The following STIL variants were observed in gnomAD, a reference collection of about 807,000 sequenced individuals.
The protein encoded by STIL is STIL centriolar assembly protein.
STIL carries 55 observed loss-of-function variants against 110.1 expected under a neutral mutation model. The observed-to-expected ratio is 0.50, with a 90% CI of 0.40 to 0.63. The LOEUF (loss-of-function observed/expected upper bound fraction) is 0.63. Among genes scored for constraint, STIL ranks in the 20% least tolerant of loss-of-function variants. The pLI is 0.00. For missense variants in STIL, 1,358 were observed against 1,530.0 expected (o/e 0.89, Z 1.87); for synonymous variants, 481 against 530.0 (o/e 0.91, Z 1.27).
chr1:47,295,353 G>A (rs1331567919), intron 7 of STIL, among the ~76,000 whole-genome samples: 1 of 152,052 alleles, frequency 6.6e-6, no homozygotes, highest in Non-Finnish European at 1.5e-5. Context: ...GCTGAGGCGG[G>A]TAAATCACTT....
At chr1:47,294,809 T>C (rs151255895) in intron 7 of STIL, among the ~76,000 whole-genome samples, 2 of 152,296 alleles carry the variant, frequency 1.3e-5, no homozygotes, top group East Asian at 3.9e-4. Flanking sequence ...TTTTAAATGG[T>C]ATTATTATGA....
rs138061273 is a variant in STIL, at chr1:47,262,561, A to C, written c.2829+342T>G. 1.3e-5 allele frequency among the ~76,000 whole-genome samples: 2 copies of C among 152,326 alleles called. 1 individual carries two copies. Among genetic ancestry groups the C allele is most frequent in the East Asian group, 3.9e-4 (2 of 5,192 alleles). On this transcript the variant is annotated intron_variant, in intron 15 of 16. Transcript: ENST00000371877. ...ACATTGGCTTACCTGAACTAAAATC[A>C]GTAAATGTTATCATAAATATCCCAC...
At chr1:47,259,132 G>A (rs1456145136) in intron 16 of STIL, among the ~76,000 whole-genome samples, 6 of 150,538 alleles carry the variant, frequency 4.0e-5, no homozygotes, top group African/African-American at 1.2e-4. Flanking sequence ...GACTACAGGC[G>A]CCCACCACCA....
intron 13 of STIL, among the ~76,000 whole-genome samples, 197 bp downstream of exon 13, chr1:47,271,879 C>CT (rs1330876590): frequency 6.6e-6 from 1 of 151,768 alleles, no homozygotes; most frequent in Admixed American, 6.6e-5. Context: ...AAATCAAACA[C>CT]TTTATCATGT....
intron 10 of STIL, among the ~76,000 whole-genome samples, chr1:47,284,889 C>CAA (rs796580180): frequency 9.5e-5 from 13 of 137,180 alleles, no homozygotes; most frequent in African/African-American, 3.4e-4. Flanking sequence ...GACCCTATCT[C>CAA]AAAAAAAAAA....
chr1:47,274,631 T>TC (rs1221136247), intron 12 of STIL, among the ~76,000 whole-genome samples: 2 of 149,018 alleles, frequency 1.3e-5, no homozygotes, highest in Non-Finnish European at 3.0e-5. Flanking sequence ...TCTCAGAACT[T>TC]TTAGGGATCA....
intron 3 of STIL, among the ~76,000 whole-genome samples, chr1:47,303,573 C>A (rs1645868769): frequency 6.6e-6 from 1 of 152,074 alleles, no homozygotes; most frequent in Non-Finnish European, 1.5e-5. Context: ...TCAAAAAAAA[C>A]AACCAAACTT....
chr1:47,269,805 T>C lies in STIL; in HGVS notation c.2445A>G (p.Gln815=), dbSNP rs1345841846. ...CCTCACTGGAAATTTTGGTATCATC[T>C]TGCTTCATTTGAGAGTCAGGCTCTT... The part of the protein sequence containing the change: ...EDQEPDSQMK[Q]DDTKISSEDM... Residue 815 remains glutamine, a synonymous_variant, in exon 14 of 17, where the codon CAA becomes CAG. Transcript: ENST00000371877. 1.2e-6 allele frequency: 2 copies of C among 1,614,216 alleles called. No individual in the cohort carries two copies. Among genetic ancestry groups the C allele is most frequent in the Middle Eastern group, 1.6e-4 (1 of 6,062 alleles).
At chr1:47,263,860 C>A (rs1644558640) in intron 14 of STIL, among the ~76,000 whole-genome samples, 1 of 145,396 alleles carries the variant, frequency 6.9e-6, no homozygotes, top group Non-Finnish European at 1.5e-5. Flanking sequence ...TCAAGCGATT[C>A]TCCTGCCTCA....
rs767397182 is a variant in STIL, at chr1:47,281,100, G to A, written c.1358C>T (p.Pro453Leu). 3.1e-6 allele frequency: 5 copies of A among 1,613,956 alleles called. No individual in the cohort carries two copies. In the Admixed American group the frequency reaches 5.0e-5, roughly 16 times the overall value. Residue 453 changes from proline to leucine, a missense_variant, in exon 12 of 17, where the codon CCT becomes CTT. Physicochemically the swap from Pro to Leu is moderately conservative, Grantham distance 98. Coordinates refer to ENST00000371877, the MANE Select transcript of STIL (RefSeq NM_001048166.1). ...TPLEMVNNEN[P>L]PLINHLEHLK... The stretch of plus-strand genomic sequence containing the variant: ...GTGTTCCAAGTGGTTAATCAAAGGA[G>A]GATTTTCATTATTCACCATTTCCAA...
At chr1:47,301,817 T>G in intron 4 of STIL, 69 bp from the exon 5 acceptor site, 1 of 1,445,976 alleles carries the variant, frequency 6.9e-7, no homozygotes, top group Non-Finnish European at 9.6e-7. Flanking sequence ...CAAGCAAGAC[T>G]ACATTATAGC....
At chr1:47,295,069 G>A (rs954407700) in intron 7 of STIL, among the ~76,000 whole-genome samples, 22 of 151,970 alleles carry the variant, frequency 1.4e-4, no homozygotes, top group Non-Finnish European at 2.8e-4. Context: ...TTACAGGCAC[G>A]CACCACCATG....
rs1259155806 is a variant in STIL at position 47,287,655 on chromosome 1, A to G, written c.1029T>C (p.Val343=). The change falls in exon 10 of 17, where the codon GTT becomes GTC. Residue 343 remains valine (V), a synonymous_variant. Transcript: ENST00000371877. ...SKETLHLFKN[V]EPPDKNPIRC... ...GGATTGGATTTTTGTCAGGAGGTTC[A>G]ACATTCTGAAATGAAGTAGGTCATA... 3 of 1,612,604 alleles carry G rather than the reference A, an allele frequency of 1.9e-6. No homozygotes were observed. Among genetic ancestry groups the G allele is most frequent in the African/African-American group, 2.7e-5 (2 of 75,002 alleles).
intron 16 of STIL, among the ~76,000 whole-genome samples, chr1:47,253,603 G>C (rs942517972): frequency 6.6e-5 from 10 of 152,272 alleles, no homozygotes; most frequent in African/African-American, 1.9e-4. Flanking sequence ...ATCCATGACT[G>C]CCTTACTCTC....
chr1:47,301,289 C>A (rs1470074178), intron 5 of STIL, among the ~76,000 whole-genome samples: 1 of 152,104 alleles, frequency 6.6e-6, no homozygotes, highest in East Asian at 1.9e-4. Context: ...TCTGACTGCC[C>A]ACAAATTCAG....
chr1:47,314,705 G>A (rs1480169484), upstream of STIL, among the ~76,000 whole-genome samples: 1 of 151,050 alleles, frequency 6.6e-6, no homozygotes, highest in African/African-American at 2.4e-5. Context: ...TCTTTCCTAG[G>A]AAGCCATCTG....
chr1:47,253,362 A>AT (rs2148641831), intron 16 of STIL, among the ~76,000 whole-genome samples: 1 of 152,162 alleles, frequency 6.6e-6, no homozygotes, highest in East Asian at 1.9e-4. Context: ...ATTCTTATTT[A>AT]TTGTCTAGCA....
intron 16 of STIL, among the ~76,000 whole-genome samples, chr1:47,254,526 TG>T (rs1411963943): frequency 3.0e-5 from 4 of 132,488 alleles, no homozygotes; most frequent in Admixed American, 7.1e-5. Context: ...AGGTCTAATT[TG>T]GGTTTTTTTT....
In STIL at chr1:47,300,014, T is replaced by C. The variant is rs1468463350; in HGVS notation, c.592A>G (p.Asn198Asp). ...LHWAAVTLAN[N>D]FKCTPVKPIP... ...GGCTTCACAGGTGTGCATTTAAAGT[T>C]ATTTGCTAGAGTTACTGCTGCCCAA... Residue 198 changes from asparagine (N) to aspartate (D), a missense_variant, in exon 6 of 17, where the codon AAC (asparagine) becomes GAC (aspartate). Asn to Asp is a conservative substitution (Grantham distance 23, BLOSUM62 1). Transcript: ENST00000371877. 6.2e-7 allele frequency: 1 copy of C among 1,614,172 alleles called. No individual in the cohort carries two copies. The highest frequency in any genetic ancestry group is 1.7e-5 in the Admixed American group (1 of 60,012).
Sources: gnomAD v4.1 joint callset for allele counts (sites outside exome capture counted in the v4.1 genomes callset) on GRCh38, gnomAD v4.1.1 for gene constraint, MANE v1.5 for transcripts, NCBI Gene and HGNC (gene_info 2026-07-23, HGNC 2026-07-21) for gene names.